Variants in PLAAT3 observed in about 807,000 individuals in gnomAD.
The protein encoded by PLAAT3 is phospholipase A and acyltransferase 3, also known as Ca-independent phospholipase A1/2.
A neutral mutation model predicts 16.7 loss-of-function variants in PLAAT3; 21 were observed. The observed-to-expected ratio is 1.26, with a 90% CI of 0.89 to 1.81. The LOEUF (loss-of-function observed/expected upper bound fraction) is 1.81. Ranked by LOEUF, PLAAT3 falls within the 40% of genes most tolerant of loss-of-function variation. The pLI, the probability that PLAAT3 is intolerant of heterozygous loss-of-function variation, is 0.00. For missense variants in PLAAT3, 219 were observed against 213.7 expected (o/e 1.02, Z -0.16); for synonymous variants, 76 against 81.7 (o/e 0.93, Z 0.38).
intron 3 of PLAAT3, among the ~76,000 whole-genome samples, chr11:63,596,878 C>T (rs974746486): frequency 4.7e-5 from 7 of 150,086 alleles, no homozygotes. Context: ...GGTGGATCTC[C>T]CGAGGTCCAG....
At chr11:63,595,285 C>T (rs1477270046) in intron 3 of PLAAT3, among the ~76,000 whole-genome samples, 26 of 129,804 alleles carry the variant, frequency 2.0e-4, no homozygotes, top group Non-Finnish European at 3.3e-4. Flanking sequence ...AGCAAGACTC[C>T]GTCTCGGAAA....
chr11:63,579,579 T>A (rs1234346404), intron 4 of PLAAT3, among the ~76,000 whole-genome samples: 1 of 151,940 alleles, frequency 6.6e-6, no homozygotes, highest in East Asian at 1.9e-4. Flanking sequence ...TGTAGGGACA[T>A]GGATGAAGCT....
chr11:63,596,361 C>T (rs1938289250), intron 3 of PLAAT3, among the ~76,000 whole-genome samples: 1 of 151,784 alleles, frequency 6.6e-6, no homozygotes, highest in South Asian at 2.1e-4. Context: ...CAGCAGCGGT[C>T]CCCAACCTTT....
At chr11:63,586,609 A>C (rs914605629) in intron 4 of PLAAT3, among the ~76,000 whole-genome samples, 1 of 152,218 alleles carries the variant, frequency 6.6e-6, no homozygotes, top group Non-Finnish European at 1.5e-5. Context: ...GCTGCATAGG[A>C]GCATGAGTTT....
At chr11:63,579,872 TAAA>T (rs34817353) in intron 4 of PLAAT3, among the ~76,000 whole-genome samples, 1 of 107,116 alleles carries the variant, frequency 9.3e-6, no homozygotes, top group African/African-American at 3.4e-5. Context: ...TAAAGTATAA[TAAA>T]AAAAAAAAAA....
intron 2 of PLAAT3, among the ~76,000 whole-genome samples, chr11:63,610,400 T>C (rs1938663882): frequency 6.6e-6 from 1 of 152,206 alleles, no homozygotes; most frequent in Admixed American, 6.5e-5. Flanking sequence ...TCAATTTCCT[T>C]GCCCAGCCTG....
At chr11:63,589,218 T>C (rs909387689) in intron 4 of PLAAT3, among the ~76,000 whole-genome samples, 1 of 152,022 alleles carries the variant, frequency 6.6e-6, no homozygotes, top group African/African-American at 2.4e-5. Flanking sequence ...CCAGCCCACG[T>C]TGGCCTGACT....
At chr11:63,591,194 C>A (rs944981803) in intron 3 of PLAAT3, among the ~76,000 whole-genome samples, 1 of 152,114 alleles carries the variant, frequency 6.6e-6, no homozygotes, top group African/African-American at 2.4e-5. Context: ...CAAGCCTGGG[C>A]AACATGGCAA....
At position 63,590,224 on chromosome 11, in the gene PLAAT3, G is replaced by A. The variant is rs1203613156; in HGVS notation, c.263C>T (p.Pro88Leu). The change falls in exon 4 of 5, where the codon CCC becomes CTC. Residue 88 changes from proline (P) to leucine (L), a missense_variant. By Grantham distance (98) the Pro-to-Leu change is moderately conservative (BLOSUM62 -3). Transcript: ENST00000415826. The part of the protein sequence containing the change: ...NKHDDKYSPL[P>L]CSKIIQRAEE... ...CGCCCGCTGGATGATTTTGCTGCAG[G>A]GCAGCGGCGAGTACTTGTCATCATG... The A allele has an allele frequency of 1.2e-6, 2 of 1,614,096 alleles. No homozygotes were observed. Among genetic ancestry groups the A allele is most frequent in the Non-Finnish European group, 1.7e-6 (2 of 1,180,050 alleles).
rs1468697763 is a variant in PLAAT3 at position 63,590,292 on chromosome 11, C to G, written c.195G>C (p.Leu65=). Residue 65 remains leucine, a synonymous_variant, in exon 4 of 5, where the codon CTG becomes CTC. Coordinates refer to ENST00000415826, the MANE Select transcript of PLAAT3 (RefSeq NM_001128203.2). ...ACTTGTCACTCCCGGCCACATCATA[C>G]AGCAATTCCTTCTTCACGATGGCCT... ...TDKAIVKKEL[L]YDVAGSDKYQ... 1 of 1,614,056 alleles carries G rather than the reference C, an allele frequency of 6.2e-7. No homozygotes were observed. The highest frequency in any genetic ancestry group is 8.5e-7 in the Non-Finnish European group (1 of 1,179,982).
chr11:63,601,963 A>G (rs1401294885), intron 2 of PLAAT3, among the ~76,000 whole-genome samples: 2 of 126,994 alleles, frequency 1.6e-5, no homozygotes, highest in African/African-American at 6.2e-5. Context: ...CTGGGTGACA[A>G]GAGCGAAACT....
chr11:63,604,523 G>T (rs1411084399), intron 2 of PLAAT3, among the ~76,000 whole-genome samples: 1 of 152,048 alleles, frequency 6.6e-6, no homozygotes, highest in Admixed American at 6.6e-5. Flanking sequence ...AGCACTTTGG[G>T]AGGCCAAGGA....
rs549959579 is a variant in PLAAT3, at chr11:63,604,725, T to G, written c.16-6562A>C. On this transcript the variant is annotated intron_variant, in intron 2 of 4. Transcript: ENST00000415826. ...TTGCAGTGAGCCCAGATGATGCCAT[T>G]GCACTCCAATCTAGGCGACAGAGCA... is the stretch of plus-strand genomic sequence containing the variant. Among the ~76,000 whole-genome samples, 10 of 152,074 alleles carry G rather than the reference T, an allele frequency of 6.6e-5. No individual in the cohort carries two copies. The South Asian group carries it at 2.1e-3, about 32-fold the overall frequency.
chr11:63,577,814 T>C (rs963713339), intron 4 of PLAAT3, among the ~76,000 whole-genome samples: 1 of 151,924 alleles, frequency 6.6e-6, no homozygotes, highest in Admixed American at 6.6e-5. Context: ...AAGAACGTGG[T>C]ACTATAAAAA....
chr11:63,600,583 G>GTTTTT (rs1555045453), intron 2 of PLAAT3, among the ~76,000 whole-genome samples: 13,852 of 131,684 alleles, frequency 0.11, 812 homozygotes, highest in Middle Eastern at 0.17. Flanking sequence ...TGGTTTTTTT[G>GTTTTT]TTTTTTTTGT....
chr11:63,603,214 A>G (rs1456193631), intron 2 of PLAAT3, among the ~76,000 whole-genome samples: 1 of 152,228 alleles, frequency 6.6e-6, no homozygotes, highest in Non-Finnish European at 1.5e-5. Context: ...CTTGTCAGGT[A>G]GTTCTCTGTT....
Position 63,581,601 on chromosome 11 carries a change from A to T in PLAAT3, c.388-6555T>A, listed in dbSNP as rs1486836327. 2.6e-5 allele frequency among the ~76,000 whole-genome samples: 4 copies of T among 152,160 alleles called. No individual in the cohort carries two copies. The East Asian group carries it at 7.7e-4, about 29-fold the overall frequency. Reference sequence around the variant, plus strand: ...AGCAGGACACAGACCCTCATCAGTAATTCTAATTTTGCTTTCACCTTGTGA... The same window carrying T: ...AGCAGGACACAGACCCTCATCAGTATTTCTAATTTTGCTTTCACCTTGTGA... On this transcript the variant is annotated intron_variant, in intron 4 of 4. Coordinates refer to ENST00000415826, the MANE Select transcript of PLAAT3 (RefSeq NM_001128203.2).
At chr11:63,615,660 C>G (rs1938855551), upstream of PLAAT3, among the ~76,000 whole-genome samples, 1 of 150,642 alleles carries the variant, frequency 6.6e-6, no homozygotes, top group Non-Finnish European at 1.5e-5. Flanking sequence ...TCATTTTTTA[C>G]TTTTTGGGGT....
At chr11:63,613,605 C>T (rs1399220746) in intron 2 of PLAAT3, among the ~76,000 whole-genome samples, 2 of 152,218 alleles carry the variant, frequency 1.3e-5, no homozygotes, top group African/African-American at 4.8e-5. Context: ...GCACAGTTAA[C>T]GCTGGGACTC....
Sources: gnomAD v4.1 joint callset for allele counts (sites outside exome capture counted in the v4.1 genomes callset) on GRCh38, gnomAD v4.1.1 for gene constraint, MANE v1.5 for transcripts, NCBI Gene and HGNC (gene_info 2026-07-23, HGNC 2026-07-21) for gene names.